Variants in CYP3A7 observed in about 807,000 individuals in gnomAD.
The protein encoded by CYP3A7 is cytochrome P450 3A7.
CYP3A7 carries 45 observed loss-of-function variants against 55.2 expected under a neutral mutation model. That is an observed-to-expected ratio of 0.82 (90% confidence interval 0.64 to 1.05). The LOEUF (loss-of-function observed/expected upper bound fraction) is 1.05. Among genes scored for constraint, CYP3A7 ranks in the 50% least tolerant of loss-of-function variants. The pLI, the probability that CYP3A7 is intolerant of heterozygous loss-of-function variation, is 0.00. For missense variants in CYP3A7, 548 were observed against 605.3 expected, an observed-to-expected ratio of 0.91 and a Z score of 0.99; for synonymous variants, 180 against 207.4, an observed-to-expected ratio of 0.87 and a Z score of 1.13.
Position 99,717,507 on chromosome 7 carries a change from A to G in CYP3A7, c.432+19T>C, listed in dbSNP as rs540430335. 1.2e-6 allele frequency: 2 copies of G among 1,613,274 alleles called. No homozygotes were observed. The highest frequency in any genetic ancestry group is 2.7e-5 in the African/African-American group (2 of 75,044). On this transcript the variant is annotated intron_variant, in intron 5 of 12. Transcript: ENST00000336374. ...TTCATTCTTTAAGTTTCTAATTAAA[A>G]CCCAAGTTATTTTCATACCTCCTTG...
At chr7:99,721,232 C>A (rs1043109512) in intron 3 of CYP3A7, among the ~76,000 whole-genome samples, 1 of 152,120 alleles carries the variant, frequency 6.6e-6, no homozygotes, top group Non-Finnish European at 1.5e-5. Flanking sequence ...ATTTATATAT[C>A]CTTCTATTAA....
At chr7:99,711,044 G>T (rs571576178) in intron 9 of CYP3A7, 152 bp from the exon 10 acceptor site, 1 of 1,325,232 alleles carries the variant, frequency 7.5e-7, no homozygotes, top group Non-Finnish European at 1.0e-6. Flanking sequence ...TCACTCTGAT[G>T]TGTGTCTTAC....
Position 99,722,352 on chromosome 7 carries a change from G to C in CYP3A7, c.166-4C>G. The C allele has an allele frequency of 6.2e-7, 1 of 1,613,314 alleles. No individual in the cohort carries two copies. The highest frequency in any genetic ancestry group is 8.5e-7 in the Non-Finnish European group (1 of 1,179,586). On this transcript the variant is annotated splice_polypyrimidine_tract_variant and splice_region_variant and intron_variant, in intron 2 of 12. Transcript: ENST00000336374. ...CCATGTCAAACGTCCAATAGCCCTG[G>C]GAGGAGAAACAAAATAATATTTCAT...
Sources: allele counts gnomAD v4.1 joint callset (sites outside exome capture counted in the v4.1 genomes callset), GRCh38; gene constraint gnomAD v4.1.1; transcripts MANE v1.5; gene names NCBI Gene and HGNC (gene_info 2026-07-23, HGNC 2026-07-21).